PPP2R3A: variants seen among roughly 807,000 people sequenced by gnomAD.
PPP2R3A encodes the protein serine/threonine-protein phosphatase 2A regulatory subunit B'' subunit alpha.
A neutral mutation model predicts 106.9 loss-of-function variants in PPP2R3A; 80 were observed. The ratio of observed to expected loss-of-function variants is 0.75; its 90% CI spans 0.62 to 0.90. The LOEUF (loss-of-function observed/expected upper bound fraction) is 0.90, where lower values mean the gene tolerates loss of function less well. Ranked by LOEUF, PPP2R3A falls within the 40% of genes least tolerant of loss-of-function variation. The pLI is 0.00. For synonymous variants in PPP2R3A, 483 were observed against 468.3 expected (o/e 1.03, Z -0.41); for missense variants, 1,386 against 1,350.4 (o/e 1.03, Z -0.41).
At chr3:136,065,063 G>A (rs1439514138) in intron 5 of PPP2R3A, among the ~76,000 whole-genome samples, 1 of 152,056 alleles carries the variant, frequency 6.6e-6, no homozygotes, top group African/African-American at 2.4e-5. Flanking sequence ...CTATGTAAAA[G>A]GAAAGTAAGG....
At chr3:135,968,597 C>G (rs1028649780) in intron 1 of PPP2R3A, among the ~76,000 whole-genome samples, 5 of 152,134 alleles carry the variant, frequency 3.3e-5, no homozygotes, top group Non-Finnish European at 7.4e-5. Context: ...GGTTCTCAGT[C>G]CAACACTCTC....
chr3:135,972,158 G>A (rs1937267339), intron 1 of PPP2R3A, among the ~76,000 whole-genome samples: 2 of 152,088 alleles, frequency 1.3e-5, no homozygotes, highest in Admixed American at 6.5e-5. Context: ...TCTGGCACCC[G>A]CCAATTTGCT....
intron 5 of PPP2R3A, among the ~76,000 whole-genome samples, chr3:136,060,610 A>T (rs994820679): frequency 6.6e-6 from 1 of 152,104 alleles, no homozygotes; most frequent in South Asian, 2.1e-4. Flanking sequence ...GCCTTTCGCC[A>T]TGATTGTAAG....
chr3:136,044,244 C>G (rs995987121), intron 4 of PPP2R3A, among the ~76,000 whole-genome samples: 1 of 152,138 alleles, frequency 6.6e-6, no homozygotes, highest in African/African-American at 2.4e-5. Context: ...CATAGTATAG[C>G]TCTAATAAGC....
chr3:135,993,045 A>G (rs1013869274), intron 1 of PPP2R3A, among the ~76,000 whole-genome samples: 6 of 152,194 alleles, frequency 3.9e-5, no homozygotes, highest in African/African-American at 1.4e-4. Context: ...ATCTTAAGGT[A>G]GTATATATAA....
intron 13 of PPP2R3A, among the ~76,000 whole-genome samples, chr3:136,108,217 A>C (rs1465585774): frequency 1.3e-5 from 2 of 152,174 alleles, no homozygotes; most frequent in South Asian, 2.1e-4. Context: ...ACCCTGACAC[A>C]CACACACACA....
chr3:136,008,157 C>T (rs1017455147), intron 2 of PPP2R3A, among the ~76,000 whole-genome samples: 4 of 152,104 alleles, frequency 2.6e-5, no homozygotes, highest in Admixed American at 2.6e-4. Flanking sequence ...TTAAACGTTC[C>T]TTGTGGAGCC....
At chr3:136,104,312 G>T (rs879376123) in intron 12 of PPP2R3A, among the ~76,000 whole-genome samples, 1 of 151,938 alleles carries the variant, frequency 6.6e-6, no homozygotes, top group Non-Finnish European at 1.5e-5. Flanking sequence ...GTGTGTGTGT[G>T]TGTGTGTGTG....
intron 13 of PPP2R3A, among the ~76,000 whole-genome samples, chr3:136,137,018 G>A (rs535974984): frequency 1.1e-4 from 16 of 152,200 alleles, no homozygotes; most frequent in Non-Finnish European, 2.4e-4. Context: ...ACCCTCGTAA[G>A]AGAAGCCAGA....
At chr3:136,057,599 TTTTATA>T (rs1368505447) in intron 5 of PPP2R3A, among the ~76,000 whole-genome samples, 2 of 152,160 alleles carry the variant, frequency 1.3e-5, no homozygotes, top group Admixed American at 6.5e-5. Context: ...ATGTGGTAAA[TTTTATA>T]TTTATATTTT....
At chr3:136,128,893 C>G (rs1369003705) in intron 13 of PPP2R3A, among the ~76,000 whole-genome samples, 1 of 152,178 alleles carries the variant, frequency 6.6e-6, no homozygotes, top group African/African-American at 2.4e-5. Flanking sequence ...TACATGGAAA[C>G]TAAACAACCT....
rs1438190350 is a variant in PPP2R3A, at chr3:136,146,502, G to A, written c.*1336G>A. On this transcript the variant is annotated 3_prime_UTR_variant, in exon 14 of 14. Coordinates refer to ENST00000264977, the MANE Select transcript of PPP2R3A (RefSeq NM_002718.5). ...TGAACCTTGGGTTAGAGTTATGGTA[G>A]GCAAAAAGAAAAGGAGAATTTAGGA... 4 of 151,928 alleles carry A rather than the reference G, an allele frequency of 2.6e-5. No homozygotes were observed. The allele number at this position is 151,928 out of a possible 1,614,324, so 9.4% of individuals were successfully genotyped here.
intron 13 of PPP2R3A, among the ~76,000 whole-genome samples, chr3:136,143,326 T>TAA (rs1179594587): frequency 1.3e-5 from 2 of 151,980 alleles, no homozygotes; most frequent in African/African-American, 4.8e-5. Flanking sequence ...CTGTTGCTAC[T>TAA]AAGAAAACAC....
intron 6 of PPP2R3A, among the ~76,000 whole-genome samples, chr3:136,076,619 T>C (rs777852810): frequency 2.4e-4 from 36 of 152,172 alleles, no homozygotes; most frequent in Non-Finnish European, 4.6e-4. Flanking sequence ...TCAAACCTCA[T>C]TATTTTATCA....
intron 2 of PPP2R3A, chr3:136,023,110 TAAGGG>T (rs748680262): frequency 6.2e-7 from 1 of 1,613,524 alleles, no homozygotes; most frequent in Admixed American, 1.7e-5. Flanking sequence ...GACCCGGATT[TAAGGG>T]GAGAGCTAGC....
At chr3:136,056,836 G>T (rs1034406405) in intron 5 of PPP2R3A, among the ~76,000 whole-genome samples, 4 of 152,060 alleles carry the variant, frequency 2.6e-5, no homozygotes, top group African/African-American at 2.4e-5. Context: ...ATCTGGCAAG[G>T]TGTTAATATC....
intron 13 of PPP2R3A, 62 bp from the exon 14 acceptor site, chr3:136,144,981 T>C (rs1284994548): frequency 7.0e-6 from 11 of 1,561,166 alleles, no homozygotes; most frequent in Admixed American, 1.8e-5. Context: ...ATTTGCCATA[T>C]TGATTTCTAC....
intron 13 of PPP2R3A, 58 bp from the exon 14 acceptor site, chr3:136,144,985 T>C (rs1030276153): frequency 1.9e-6 from 3 of 1,570,764 alleles, no homozygotes; most frequent in South Asian, 1.2e-5. Context: ...GCCATATTGA[T>C]TTCTACCCAA....
chr3:135,990,249 T>C (rs1011837594), intron 1 of PPP2R3A, among the ~76,000 whole-genome samples: 3 of 152,118 alleles, frequency 2.0e-5, no homozygotes, highest in Non-Finnish European at 4.4e-5. Flanking sequence ...TCTTTTACAA[T>C]AGGTTCTTGG....
Sources: gnomAD v4.1 joint callset for allele counts (sites outside exome capture counted in the v4.1 genomes callset) on GRCh38, gnomAD v4.1.1 for gene constraint, MANE v1.5 for transcripts, NCBI Gene and HGNC (gene_info 2026-07-23, HGNC 2026-07-21) for gene names.